Variants in EPS15 observed in about 807,000 individuals in gnomAD.
The protein encoded by EPS15 is epidermal growth factor receptor substrate 15.
A neutral mutation model predicts 113.8 loss-of-function variants in EPS15; 72 were observed. That is an observed-to-expected ratio of 0.63 (90% CI 0.52 to 0.77). The LOEUF (loss-of-function observed/expected upper bound fraction) is 0.77. Among genes scored for constraint, EPS15 ranks in the 30% least tolerant of loss-of-function variants. The pLI is 0.00. For synonymous variants in EPS15, 344 were observed against 363.4 expected (o/e 0.95, Z 0.61); for missense variants, 1,048 against 1,045.8 (o/e 1.00, Z -0.03).
At chr1:51,489,597 TC>T (rs1005175743) in intron 1 of EPS15, among the ~76,000 whole-genome samples, 6 of 152,070 alleles carry the variant, frequency 3.9e-5, no homozygotes, top group African/African-American at 1.4e-4. Flanking sequence ...GTATTATAAT[TC>T]CCAGTCGTCT....
At chr1:51,404,456 C>T (rs1486345693) in intron 16 of EPS15, among the ~76,000 whole-genome samples, 1 of 151,780 alleles carries the variant, frequency 6.6e-6, no homozygotes, top group African/African-American at 2.4e-5. Flanking sequence ...TAGTAATCTG[C>T]CTTTTGCGCT....
chr1:51,369,477 T>G (rs564316647), intron 21 of EPS15, among the ~76,000 whole-genome samples: 10 of 152,354 alleles, frequency 6.6e-5, no homozygotes, highest in African/African-American at 2.4e-4. Context: ...TAGCTGCACT[T>G]ATGACCTCAT....
At chr1:51,452,625 C>T (rs1653670268) in intron 8 of EPS15, among the ~76,000 whole-genome samples, 1 of 152,176 alleles carries the variant, frequency 6.6e-6, no homozygotes, top group African/African-American at 2.4e-5. Flanking sequence ...AATGAACACA[C>T]TGAAGCTAAG....
intron 8 of EPS15, among the ~76,000 whole-genome samples, chr1:51,454,958 T>C (rs557435629): frequency 6.6e-6 from 1 of 151,080 alleles, no homozygotes; most frequent in Non-Finnish European, 1.5e-5. Flanking sequence ...AGAGCATGAC[T>C]CTAGAAGGCT....
At chr1:51,374,667 C>T (rs752005284) in intron 21 of EPS15, among the ~76,000 whole-genome samples, 1 of 152,174 alleles carries the variant, frequency 6.6e-6, no homozygotes, top group South Asian at 2.1e-4. Flanking sequence ...CCTTAGTTTT[C>T]TTTCACAGTC....
At chr1:51,425,876 T>C (rs1367700735) in intron 12 of EPS15, among the ~76,000 whole-genome samples, 1 of 152,196 alleles carries the variant, frequency 6.6e-6, no homozygotes, top group African/African-American at 2.4e-5. Flanking sequence ...AACAGTGAAG[T>C]AGTTTTTAAA....
chr1:51,455,500 G>C (rs770693190), intron 8 of EPS15, among the ~76,000 whole-genome samples: 1 of 151,950 alleles, frequency 6.6e-6, no homozygotes, highest in Non-Finnish European at 1.5e-5. Context: ...TGAGGCACAA[G>C]AACAGATTGA....
chr1:51,358,709 G>GTTTTTTTTTTTTT (rs71063028), intron 24 of EPS15, among the ~76,000 whole-genome samples: 5 of 121,376 alleles, frequency 4.1e-5, no homozygotes, highest in Admixed American at 8.3e-5. Flanking sequence ...GTTTTTTTTT[G>GTTTTTTTTTTTTT]TTTTTTTTTT....
chr1:51,359,525 T>C (rs1646331477), intron 24 of EPS15, among the ~76,000 whole-genome samples: 1 of 151,118 alleles, frequency 6.6e-6, no homozygotes, highest in Non-Finnish European at 1.5e-5. Context: ...TTTGAGAGGC[T>C]GAGGCCGGTG....
chr1:51,476,444 G>T (rs1643903615), intron 2 of EPS15, among the ~76,000 whole-genome samples: 1 of 151,996 alleles, frequency 6.6e-6, no homozygotes, highest in Non-Finnish European at 1.5e-5. Flanking sequence ...ATGTGTTGAG[G>T]AATTTACCCA....
chr1:51,451,351 C>T (rs1417372512), intron 8 of EPS15, among the ~76,000 whole-genome samples: 2 of 151,158 alleles, frequency 1.3e-5, no homozygotes, highest in Non-Finnish European at 2.9e-5. Flanking sequence ...ATTAGCCAGG[C>T]GTGGTGGCGC....
At chr1:51,372,919 A>C (rs1013888647) in intron 21 of EPS15, 1 of 765,748 alleles carries the variant, frequency 1.3e-6, no homozygotes, top group Non-Finnish European at 1.9e-6. Context: ...GCAAGCTGCC[A>C]ATCAACCACC....
Position 51,390,937 on chromosome 1 carries a change from C to G in EPS15, c.2119+3444G>C, listed in dbSNP as rs187968139. Among the ~76,000 whole-genome samples, 481 of 152,282 alleles carry G rather than the reference C, an allele frequency of 3.2e-3. 3 individuals are homozygous for G. Among genetic ancestry groups the G allele is most frequent in the South Asian group, 0.03 (145 of 4,818 alleles). On this transcript the variant is annotated intron_variant, in intron 21 of 24. Transcript: ENST00000371733. ...CTCAGGGATCTAGAACTAGAAATACCATTTGACCCAGCCATCCCATTACTG... is the reference window on the plus strand; with the variant it reads ...CTCAGGGATCTAGAACTAGAAATACGATTTGACCCAGCCATCCCATTACTG...
intron 21 of EPS15, among the ~76,000 whole-genome samples, chr1:51,377,645 G>T (rs925617675): frequency 6.6e-6 from 1 of 152,042 alleles, no homozygotes; most frequent in African/African-American, 2.4e-5. Context: ...CTAAAAGGAC[G>T]GATACCAATT....
At chr1:51,415,025 T>A (rs191975985) in intron 13 of EPS15, among the ~76,000 whole-genome samples, 2 of 152,342 alleles carry the variant, frequency 1.3e-5, no homozygotes, top group East Asian at 3.9e-4. Context: ...TGCTGTTTTT[T>A]TTAAGTATCA....
At chr1:51,398,893 T>C in intron 20 of EPS15, 139 bp downstream of exon 20, 2 of 726,756 alleles carry the variant, frequency 2.8e-6, no homozygotes, top group Non-Finnish European at 4.3e-6. Context: ...ACTAAATGAA[T>C]TGGGATGAGA....
chr1:51,364,193 G>GA (rs1275359274), intron 22 of EPS15, among the ~76,000 whole-genome samples, 165 bp from the exon 23 acceptor site: 2 of 151,452 alleles, frequency 1.3e-5, no homozygotes, highest in Admixed American at 6.6e-5. Flanking sequence ...AGAAATTTCT[G>GA]AAAAAAAAGT....
intron 2 of EPS15, among the ~76,000 whole-genome samples, chr1:51,475,768 G>C (rs991077172): frequency 6.6e-6 from 1 of 152,192 alleles, no homozygotes; most frequent in Non-Finnish European, 1.5e-5. Flanking sequence ...CCTATGGCCT[G>C]AATGGTATTG....
At chr1:51,382,106 T>C (rs962468526) in intron 21 of EPS15, among the ~76,000 whole-genome samples, 1 of 152,094 alleles carries the variant, frequency 6.6e-6, no homozygotes, top group African/African-American at 2.4e-5. Flanking sequence ...AGAGGAGACA[T>C]TACTAGTAAT....
Sources: gnomAD v4.1 joint callset for allele counts (sites outside exome capture counted in the v4.1 genomes callset) on GRCh38, gnomAD v4.1.1 for gene constraint, MANE v1.5 for transcripts, NCBI Gene and HGNC (gene_info 2026-07-23, HGNC 2026-07-21) for gene names.